The following SSR3 variants were observed in gnomAD, a reference collection of about 807,000 sequenced individuals.
SSR3 encodes the protein signal sequence receptor subunit 3, also known as translocon-associated protein subunit gamma.
A neutral mutation model predicts 22.1 loss-of-function variants in SSR3; 10 were observed. The observed-to-expected ratio is 0.45, with a 90% CI of 0.28 to 0.77. The LOEUF (loss-of-function observed/expected upper bound fraction) is 0.77, where lower values mean the gene tolerates loss of function less well. Among genes scored for constraint, SSR3 ranks in the 30% least tolerant of loss-of-function variants. The probability of loss-of-function intolerance (pLI) is 0.13; values close to 1 mark genes in which losing one functional copy is unlikely to be tolerated. For missense variants in SSR3, 181 were observed against 220.5 expected (o/e 0.82, Z 1.13); for synonymous variants, 104 against 82.5 (o/e 1.26, Z -1.42).
intron 3 of SSR3, among the ~76,000 whole-genome samples, chr3:156,547,479 T>C (rs1209489844): frequency 6.6e-6 from 1 of 152,206 alleles, no homozygotes; most frequent in African/African-American, 2.4e-5. Flanking sequence ...AACACCACTG[T>C]AATGAAAAAT....
rs201550561 is a variant in SSR3 at position 156,554,557 on chromosome 3, CCTAA to C, written c.133+396_133+399del. ...AGTGGGTCACTTCATGGGTTTCTCA[CCTAA>C]CTAATTTATGCAAAATAAGTAATAA... On this transcript the variant is annotated intron_variant, in intron 1 of 4. Coordinates refer to ENST00000265044, the MANE Select transcript of SSR3 (RefSeq NM_007107.5). 2.8e-3 allele frequency among the ~76,000 whole-genome samples: 419 copies of C among 152,304 alleles called. 5 individuals are homozygous for C. The highest frequency in any genetic ancestry group is 2.8e-3 in the Non-Finnish European group (188 of 68,030).
chr3:156,550,982 C>A (rs1577002626), intron 2 of SSR3, among the ~76,000 whole-genome samples: 1 of 152,222 alleles, frequency 6.6e-6, no homozygotes, highest in African/African-American at 2.4e-5. Flanking sequence ...AGAGCTGGCA[C>A]TGGAACCCAG....
Position 156,548,949 on chromosome 3 carries a change from A to G in SSR3, c.315T>C (p.Ser105=). 1 of 1,613,534 alleles carries G rather than the reference A, an allele frequency of 6.2e-7. No homozygotes were observed. The highest frequency in any genetic ancestry group is 8.5e-7 in the Non-Finnish European group (1 of 1,179,876). ...AVSKEVTRKL[S]EADNRKMSRK... ...GAGACATCTTTCTATTATCAGCTTC[A>G]GAAAGTTTTCGAGTCACTTCTTTGG... The change falls in exon 3 of 5, where the codon TCT becomes TCC. Residue 105 remains serine, a synonymous_variant. Transcript: ENST00000265044.
Position 156,540,956 on chromosome 3 carries a change from C to T in SSR3, c.*2247G>A, listed in dbSNP as rs954820391. ...CACAGTAAATCCTTAACGAAAACTA[C>T]TGAACTGTGAGTATATGCTTTATAA... On this transcript the variant is annotated 3_prime_UTR_variant, in exon 5 of 5. Coordinates refer to ENST00000265044, the MANE Select transcript of SSR3 (RefSeq NM_007107.5). 1 of 152,178 alleles carries T rather than the reference C, an allele frequency of 6.6e-6. No homozygotes were observed. Among genetic ancestry groups the T allele is most frequent in the African/African-American group, 2.4e-5 (1 of 41,442 alleles). The allele number at this position is 152,178 out of a possible 1,614,324, so 9.4% of individuals were successfully genotyped here.
chr3:156,554,762 C>G, intron 1 of SSR3, 195 bp downstream of exon 1: 2 of 677,758 alleles, frequency 3.0e-6, no homozygotes, highest in Non-Finnish European at 2.4e-6. Flanking sequence ...TCCCCGAGTG[C>G]TGCACAGGAC....
intron 4 of SSR3, among the ~76,000 whole-genome samples, chr3:156,543,799 C>A (rs991710373): frequency 3.3e-5 from 5 of 152,138 alleles, no homozygotes; most frequent in African/African-American, 9.7e-5. Flanking sequence ...TCATAATCAC[C>A]AATTGTTAAA....
rs1719557313 is a variant in SSR3 at position 156,542,087 on chromosome 3, C to G, written c.*1116G>C. The G allele has an allele frequency of 6.6e-6, 1 of 152,182 alleles. No individual in the cohort carries two copies. Among genetic ancestry groups the G allele is most frequent in the Admixed American group, 6.5e-5 (1 of 15,282 alleles). 9.4% of individuals were successfully genotyped at this position (152,182 alleles called of 1,614,324 possible). A position where few individuals can be genotyped will look rare whatever the true frequency, so the allele number is the denominator to read the frequency against. ...CTGCTATCACCTGTGATTTCATATC[C>G]TTTTAGCTGATATTGCTAAAGAGCT... is the stretch of plus-strand genomic sequence containing the variant. On this transcript the variant is annotated 3_prime_UTR_variant, in exon 5 of 5. Coordinates refer to ENST00000265044, the MANE Select transcript of SSR3 (RefSeq NM_007107.5).
rs114804789 is a variant in SSR3 at position 156,546,664 on chromosome 3, T to C, written c.360-2225A>G. Among the ~76,000 whole-genome samples the C allele has an allele frequency of 7.0e-3, 1,066 of 152,310 alleles. 14 individuals are homozygous for C. The highest frequency in any genetic ancestry group is 0.025 in the African/African-American group (1,028 of 41,572). ...TGCCTAGTAGAAGACATTTTCTTCC[T>C]AGTAGGGAACGTGGTTTGGGAGAGC... On this transcript the variant is annotated intron_variant, in intron 3 of 4. Transcript: ENST00000265044.
chr3:156,550,518 G>C (rs1344756405), intron 2 of SSR3, among the ~76,000 whole-genome samples: 2 of 152,262 alleles, frequency 1.3e-5, no homozygotes, highest in East Asian at 1.9e-4. Flanking sequence ...CTCTGTCTTA[G>C]AGCTCTCAGA....
rs375015210 is a variant in SSR3 at position 156,555,094 on chromosome 3, G to A, written c.-5C>T. 1.4e-4 allele frequency: 224 copies of A among 1,613,044 alleles called. 1 individual carries two copies. The African/African-American group carries it at 2.8e-3, about 20-fold the overall frequency. ...GGAGCTGCCTTTAGGAGCCATGGCG[G>A]AGCTGCAGGCGAGAACAGGGAACGT... On this transcript the variant is annotated 5_prime_UTR_variant, in exon 1 of 5. Coordinates refer to ENST00000265044, the MANE Select transcript of SSR3 (RefSeq NM_007107.5).
intron 3 of SSR3, among the ~76,000 whole-genome samples, chr3:156,545,604 A>G (rs902542526): frequency 7.9e-5 from 12 of 152,182 alleles, no homozygotes; most frequent in African/African-American, 2.9e-4. Context: ...AGCTAAATGA[A>G]GGCTAATTAA....
chr3:156,554,835 C>G (rs889760680), intron 1 of SSR3, 122 bp downstream of exon 1: 2 of 1,322,564 alleles, frequency 1.5e-6, no homozygotes, highest in Non-Finnish European at 2.1e-6. Context: ...CTCAGGGGAG[C>G]TGGAGAGATT....
chr3:156,543,418 A>ATTGTG, intron 4 of SSR3, 149 bp from the exon 5 acceptor site: 2 of 550,634 alleles, frequency 3.6e-6, no homozygotes, highest in Non-Finnish European at 3.2e-6. Flanking sequence ...TGCAAACACA[A>ATTGTG]TTTGCAAGAC....
At position 156,553,769 on chromosome 3, in the gene SSR3, C is replaced by T. The variant is rs772542660; in HGVS notation, c.146G>A (p.Arg49Gln). 1 of 1,608,734 alleles carries T rather than the reference C, an allele frequency of 6.2e-7. No individual in the cohort carries two copies. The highest frequency in any genetic ancestry group is 2.2e-5 in the East Asian group (1 of 44,690). Residue 49 changes from arginine (R) to glutamine (Q), a missense_variant, in exon 2 of 5, where the codon CGA becomes CAA. Coordinates refer to ENST00000265044, the MANE Select transcript of SSR3 (RefSeq NM_007107.5). ...CTGAATAAGATCCATATGCCATATT[C>T]GCCAGTATAACCCTGAATTAAAATA... ...VSAIPIWLYW[R>Q]IWHMDLIQSA...
chr3:156,551,891 G>T (rs913420414), intron 2 of SSR3, among the ~76,000 whole-genome samples: 4 of 152,144 alleles, frequency 2.6e-5, no homozygotes, highest in Non-Finnish European at 5.9e-5. Context: ...ATGATGTGAG[G>T]GCTGAGTCAG....
At chr3:156,545,360 G>A (rs578156483) in intron 3 of SSR3, among the ~76,000 whole-genome samples, 3 of 152,176 alleles carry the variant, frequency 2.0e-5, no homozygotes, top group Admixed American at 6.5e-5. Flanking sequence ...ATGTGTCCAC[G>A]TGTGAGTTTA....
At chr3:156,548,868 CCT>C in intron 3 of SSR3, 35 bp downstream of exon 3, 1 of 1,601,056 alleles carries the variant, frequency 6.2e-7, no homozygotes, top group Middle Eastern at 1.7e-4. Flanking sequence ...CAAAGTACCC[CCT>C]TTTATGATGG....
rs553496873 is a variant in SSR3 at position 156,542,824 on chromosome 3, C to A, written c.*379G>T. On this transcript the variant is annotated 3_prime_UTR_variant, in exon 5 of 5. Transcript: ENST00000265044. ...GTTCAAAAGAAGTTGTAATATTGTG[C>A]TTGGAACACAGAGAACCAGTTATTA... The A allele has an allele frequency of 5.4e-5, 10 of 184,882 alleles. No individual in the cohort carries two copies. The highest frequency in any genetic ancestry group is 1.1e-4 in the Non-Finnish European group (10 of 90,276). 11.5% of individuals were successfully genotyped at this position (184,882 alleles called of 1,614,324 possible). A position where few individuals can be genotyped will look rare whatever the true frequency, so the allele number is the denominator to read the frequency against.
At chr3:156,548,795 CA>C in intron 3 of SSR3, 109 bp downstream of exon 3, 1 of 1,425,266 alleles carries the variant, frequency 7.0e-7, no homozygotes. Flanking sequence ...ACTACAATTC[CA>C]AAATTTACCT....
Sources: gnomAD v4.1 joint callset for allele counts (sites outside exome capture counted in the v4.1 genomes callset) on GRCh38, gnomAD v4.1.1 for gene constraint, MANE v1.5 for transcripts, NCBI Gene and HGNC (gene_info 2026-07-23, HGNC 2026-07-21) for gene names.